Variants in RHOBTB2 observed in about 807,000 individuals in gnomAD.
RHOBTB2 encodes the protein rho-related BTB domain-containing protein 2.
RHOBTB2 carries 39 observed loss-of-function variants against 66.5 expected under a neutral mutation model. The ratio of observed to expected loss-of-function variants is 0.59; its 90% CI spans 0.45 to 0.77. The LOEUF is 0.77. Ranked by LOEUF, RHOBTB2 falls within the 30% of genes least tolerant of loss-of-function variation. The pLI is 0.00. For synonymous variants in RHOBTB2, 390 were observed against 395.0 expected, an observed-to-expected ratio of 0.99 and a Z score of 0.15; for missense variants, 755 against 999.1, an observed-to-expected ratio of 0.76 and a Z score of 3.29.
chr8:22,960,024 C>CAA, the RHOBTB2 span, among the ~76,000 whole-genome samples: 1 of 97,352 alleles, frequency 1.0e-5, no homozygotes, highest in African/African-American at 4.6e-5. Context: ...AAAAAAAATA[C>CAA]AAAAAAAACC....
chr8:22,951,134 C>T, the RHOBTB2 span, among the ~76,000 whole-genome samples: 2 of 151,948 alleles, frequency 1.3e-5, no homozygotes, highest in Admixed American at 1.3e-4. Context: ...CCTATCCTAT[C>T]ATGATGTAAC....
At chr8:22,969,286 C>G in the RHOBTB2 span, among the ~76,000 whole-genome samples, 4 of 152,314 alleles carry the variant, frequency 2.6e-5, no homozygotes, top group East Asian at 1.9e-4. Context: ...TACCTCTCAC[C>G]GAGTCCCTTC....
upstream of RHOBTB2, among the ~76,000 whole-genome samples, chr8:22,996,554 T>A (rs1220795618): frequency 7.4e-6 from 1 of 136,016 alleles, no homozygotes; most frequent in Non-Finnish European, 1.5e-5. Flanking sequence ...TGTGTGTGTG[T>A]GTGTGTGTGT....
chr8:22,990,217 C>T (rs1271638323), intron 1 of RHOBTB2, among the ~76,000 whole-genome samples: 3 of 152,164 alleles, frequency 2.0e-5, no homozygotes, highest in Admixed American at 2.0e-4. Flanking sequence ...GAAGGAAGGA[C>T]CAAACAAGTC....
At chr8:22,975,054 A>G in the RHOBTB2 span, among the ~76,000 whole-genome samples, 2 of 151,986 alleles carry the variant, frequency 1.3e-5, no homozygotes, top group African/African-American at 4.8e-5. Context: ...ATCTCCCCCA[A>G]TACTGCTGAC....
At chr8:22,974,223 C>A in the RHOBTB2 span, among the ~76,000 whole-genome samples, 3 of 152,212 alleles carry the variant, frequency 2.0e-5, no homozygotes, top group African/African-American at 7.2e-5. Context: ...CTGCAGACAT[C>A]TGGCCCCGAT....
At chr8:22,995,666 A>C (rs1283862442), upstream of RHOBTB2, among the ~76,000 whole-genome samples, 1 of 152,172 alleles carries the variant, frequency 6.6e-6, no homozygotes, top group Non-Finnish European at 1.5e-5. Context: ...GGCTTTCCAG[A>C]TTCAGCTCCT....
At chr8:22,998,724 CAAAAAAAAA>C (rs555614764), upstream of RHOBTB2, among the ~76,000 whole-genome samples, 1 of 81,308 alleles carries the variant, frequency 1.2e-5, no homozygotes, top group Admixed American at 1.6e-4. Context: ...GAGGGAGACT[CAAAAAAAAA>C]AAAAAAAAAA....
chr8:23,014,867 T>G (rs970812746), intron 8 of RHOBTB2, 89 bp downstream of exon 8: 3 of 1,042,086 alleles, frequency 2.9e-6, no homozygotes, highest in Non-Finnish European at 4.4e-6. Context: ...TGGAAGATGG[T>G]CTATGCGGGA....
At chr8:22,994,029 T>A (rs541596784) in intron 2 of RHOBTB2, among the ~76,000 whole-genome samples, 1 of 152,346 alleles carries the variant, frequency 6.6e-6, no homozygotes, top group South Asian at 2.1e-4. Flanking sequence ...TCAGCTGGTC[T>A]TTTTCTGAGT....
chr8:23,005,251 G>A (rs1810912278), intron 2 of RHOBTB2, 121 bp from the exon 3 acceptor site: 7 of 688,720 alleles, frequency 1.0e-5, no homozygotes, highest in Admixed American at 6.2e-5. Context: ...TGCCAGCCTT[G>A]TCCCTCCATG....
rs769162229 is a variant in RHOBTB2 at position 23,017,458 on chromosome 8, G to T, written c.2173G>T (p.Ala725Ser). 9 of 1,585,426 alleles carry T rather than the reference G, an allele frequency of 5.7e-6. No individual in the cohort carries two copies. Among genetic ancestry groups the T allele is most frequent in the Non-Finnish European group, 7.7e-6 (9 of 1,165,900 alleles). Reference protein sequence around the residue: ...ASSSSPSSSSAVV With the variant: ...ASSSSPSSSSSVV The stretch of plus-strand genomic sequence containing the variant: ...CTCCTCATCCCCATCTTCCTCCTCG[G>T]CTGTGGTCTGAGATGCTGCCACCCT... The change falls in exon 10 of 10, where the codon GCT (alanine) becomes TCT (serine). Residue 725 changes from alanine to serine, a missense_variant. Physicochemically the swap from Ala to Ser is moderately conservative, Grantham distance 99 (BLOSUM62 1). Around this residue, in one of 7 missense-constraint regions of RHOBTB2, gnomAD observed 353 missense variants for 458.2 expected, o/e 0.77. Coordinates refer to ENST00000251822, the MANE Select transcript of RHOBTB2 (RefSeq NM_015178.3). The surrounding 1 kb of genome is among the most constrained non-coding windows in gnomAD (Gnocchi z 5.3).
At position 23,004,722 on chromosome 8, in the gene RHOBTB2, A is replaced by G; in HGVS notation, c.192+96A>G. The G allele has an allele frequency of 3.2e-6, 4 of 1,236,428 alleles. No homozygotes were observed. Among genetic ancestry groups the G allele is most frequent in the Non-Finnish European group, 4.5e-6 (4 of 881,224 alleles). 76.6% of individuals were successfully genotyped at this position (1,236,428 alleles called of 1,614,324 possible). ...GCTTGGTGTCTCCAGAGCTCACGGGAGCCCTCTAGGGGTGGGACAGGATGG... is the reference window on the plus strand; with the variant it reads ...GCTTGGTGTCTCCAGAGCTCACGGGGGCCCTCTAGGGGTGGGACAGGATGG... On this transcript the variant is annotated intron_variant, in intron 2 of 9. Transcript: ENST00000251822. This position sits in a 1 kb window ranked among gnomAD's most constrained non-coding sequence, Gnocchi z 6.4.
In RHOBTB2 at chr8:22,993,505, G is replaced by A. The variant is rs117291191; in HGVS notation, c.-23-1056G>A. On this transcript the variant is annotated intron_variant, in intron 2 of 11. Coordinates refer to the RHOBTB2 transcript ENST00000519685. ...TGGAGAAGGAGTTAGAAGGGTGTCA[G>A]TGCTGGAAGGGACAGGAAGAAGGCC... 2.2e-3 allele frequency among the ~76,000 whole-genome samples: 328 copies of A among 152,340 alleles called. 2 individuals carry two copies. The highest frequency in any genetic ancestry group is 3.4e-3 in the Non-Finnish European group (232 of 68,038).
chr8:22,958,184 G>T, the RHOBTB2 span, among the ~76,000 whole-genome samples: 1 of 152,208 alleles, frequency 6.6e-6, no homozygotes, highest in African/African-American at 2.4e-5. Context: ...GCCTGGCACA[G>T]GTGGGTGCCC....
At chr8:22,976,438 AAGGCACTTG>A in the RHOBTB2 span, among the ~76,000 whole-genome samples, 1 of 152,214 alleles carries the variant, frequency 6.6e-6, no homozygotes, top group African/African-American at 2.4e-5. Flanking sequence ...AGAGCCAAGC[AAGGCACTTG>A]AGGGGTTCAG....
At chr8:22,967,178 G>A in the RHOBTB2 span, among the ~76,000 whole-genome samples, 36 of 152,248 alleles carry the variant, frequency 2.4e-4, 1 homozygote, top group South Asian at 6.6e-3. Context: ...TTCAATGAAC[G>A]AATGGATAAA....
At chr8:22,962,525 G>A in the RHOBTB2 span, among the ~76,000 whole-genome samples, 3 of 152,136 alleles carry the variant, frequency 2.0e-5, no homozygotes, top group Non-Finnish European at 4.4e-5. Context: ...CTTTATGGGA[G>A]AAAGCCTGAA....
At chr8:22,981,046 G>A in the RHOBTB2 span, among the ~76,000 whole-genome samples, 26 of 152,284 alleles carry the variant, frequency 1.7e-4, no homozygotes, top group African/African-American at 6.3e-4. Flanking sequence ...AAAAGAATTT[G>A]TTCACAACTT....
Sources: gnomAD v4.1 joint callset for allele counts (sites outside exome capture counted in the v4.1 genomes callset) on GRCh38, gnomAD v4.1.1 for gene constraint, gnomAD v4.1.1 regional missense constraint, Gnocchi (gnomAD v3.1) non-coding constraint, MANE v1.5 for transcripts, NCBI Gene and HGNC (gene_info 2026-07-23, HGNC 2026-07-21) for gene names.